Variants in SCAI observed in about 807,000 individuals in gnomAD.
SCAI encodes the protein protein SCAI.
In SCAI, 24 loss-of-function variants were observed where a neutral mutation model predicts 92.2. The ratio of observed to expected loss-of-function variants is 0.26; its 90% CI spans 0.19 to 0.37. The LOEUF (loss-of-function observed/expected upper bound fraction) is 0.37. SCAI is among the 10% of genes least tolerant of loss of function. SCAI has a pLI of 1.00. For synonymous variants in SCAI, 261 were observed against 258.6 expected, an observed-to-expected ratio of 1.01 and a Z score of -0.09; for missense variants, 450 against 736.2, an observed-to-expected ratio of 0.61 and a Z score of 4.50.
intron 17 of SCAI, among the ~76,000 whole-genome samples, chr9:124,964,815 C>G (rs143698102): frequency 6.6e-6 from 1 of 152,332 alleles, no homozygotes; most frequent in East Asian, 1.9e-4. Context: ...GTTGTCCAGA[C>G]CTTCTTGTTG....
At chr9:125,108,482 C>A (rs1167131130) in intron 2 of SCAI, among the ~76,000 whole-genome samples, 1 of 151,594 alleles carries the variant, frequency 6.6e-6, no homozygotes, top group East Asian at 1.9e-4. Context: ...CTCTGCCCCG[C>A]CGCCCCGTCT....
chr9:124,990,967 A>C (rs1477108983), intron 14 of SCAI, among the ~76,000 whole-genome samples: 3 of 152,330 alleles, frequency 2.0e-5, no homozygotes, highest in African/African-American at 7.2e-5. Context: ...GGACCCAGCT[A>C]CAAGTGGTTC....
chr9:124,949,906 C>T lies in SCAI; in HGVS notation c.*2901G>A, dbSNP rs1831207104. ...TCAATGAAACAATAACATTTTCCAG[C>T]ACAGTTTTCCTCTCTTTGAAGATTC... On this transcript the variant is annotated 3_prime_UTR_variant, in exon 18 of 18. Transcript: ENST00000336505. This position sits in a 1 kb window ranked among gnomAD's most constrained non-coding sequence, Gnocchi z 4.0. The T allele has an allele frequency of 6.6e-6, 1 of 151,964 alleles. No homozygotes were observed. The highest frequency in any genetic ancestry group is 2.1e-4 in the South Asian group (1 of 4,824). 9.4% of individuals were successfully genotyped at this position (151,964 alleles called of 1,614,324 possible).
At chr9:125,017,411 G>A (rs1832782731) in intron 9 of SCAI, among the ~76,000 whole-genome samples, 1 of 151,856 alleles carries the variant, frequency 6.6e-6, no homozygotes, top group Non-Finnish European at 1.5e-5. Context: ...AACCATAAAT[G>A]TTTCAAAATA....
intron 3 of SCAI, among the ~76,000 whole-genome samples, chr9:125,040,016 C>T (rs1201634718): frequency 2.0e-5 from 3 of 152,122 alleles, no homozygotes; most frequent in East Asian, 1.9e-4. Flanking sequence ...AAACAATGCT[C>T]TCTTGCTTCT....
At chr9:124,953,582 C>T (rs907134781) in intron 17 of SCAI, among the ~76,000 whole-genome samples, 16 of 152,040 alleles carry the variant, frequency 1.1e-4, no homozygotes, top group African/African-American at 3.4e-4. Context: ...GTTGAGATCA[C>T]GCCATTGCAC....
At chr9:124,973,934 C>G (rs1831707560) in intron 15 of SCAI, among the ~76,000 whole-genome samples, 1 of 152,176 alleles carries the variant, frequency 6.6e-6, no homozygotes, top group Admixed American at 6.5e-5. Flanking sequence ...CGGTCATTTC[C>G]CACCCCCATC....
intron 9 of SCAI, 46 bp downstream of exon 9, chr9:125,018,753 A>G (rs1832812751): frequency 6.6e-7 from 1 of 1,509,644 alleles, no homozygotes; most frequent in African/African-American, 1.4e-5. Context: ...CAATAGCACT[A>G]TTTTTCACAG....
At chr9:124,970,107 C>T (rs926735961) in intron 17 of SCAI, among the ~76,000 whole-genome samples, 3 of 152,128 alleles carry the variant, frequency 2.0e-5, no homozygotes, top group African/African-American at 2.4e-5. Context: ...CTGCCTCTGC[C>T]TCCCAAAGTG....
chr9:125,113,663 A>ATT (rs36106766), intron 2 of SCAI, among the ~76,000 whole-genome samples: 33,557 of 135,148 alleles, frequency 0.25, 4,889 homozygotes, highest in East Asian at 0.37. Context: ...AAGTATAAAG[A>ATT]TTTTTTTTTT....
chr9:124,954,680 TTAAC>T (rs1831286875), intron 17 of SCAI, among the ~76,000 whole-genome samples: 2 of 152,134 alleles, frequency 1.3e-5, no homozygotes, highest in Non-Finnish European at 1.5e-5. Flanking sequence ...AGAAAGTTGT[TTAAC>T]TATCACCACA....
In SCAI at chr9:125,050,092, C is replaced by A. The variant is rs149478057; in HGVS notation, c.230+5784G>T. Among the ~76,000 whole-genome samples, 244 of 151,134 alleles carry A rather than the reference C, an allele frequency of 1.6e-3. 1 individual carries two copies. The highest frequency in any genetic ancestry group is 5.7e-3 in the African/African-American group (236 of 41,234). On this transcript the variant is annotated intron_variant, in intron 3 of 17. Transcript: ENST00000336505. ...GTGGAAAAGGAGAAAAAAAAAAAGA[C>A]AAGCACTAACAGTGAAAAAAATGCT...
chr9:125,090,199 G>T (rs550872691), intron 2 of SCAI, among the ~76,000 whole-genome samples: 8 of 152,278 alleles, frequency 5.3e-5, no homozygotes, highest in African/African-American at 1.7e-4. Flanking sequence ...AATACTACAA[G>T]ATTTTATAAA....
At position 125,056,009 on chromosome 9, in the gene SCAI, T is replaced by C; in HGVS notation, c.99-2A>G. On this transcript the variant is annotated splice_acceptor_variant, in intron 2 of 17. Transcript: ENST00000336505. LOFTEE classifies it high-confidence loss of function. ...ATTTCTTTAAGAGCAAATTCAGTCCTGTAAGAAAACATATGTTCATTCATG... is the reference window on the plus strand; with the variant it reads ...ATTTCTTTAAGAGCAAATTCAGTCCCGTAAGAAAACATATGTTCATTCATG... The C allele has an allele frequency of 6.3e-7, 1 of 1,598,130 alleles. No individual in the cohort carries two copies. The highest frequency in any genetic ancestry group is 8.5e-7 in the Non-Finnish European group (1 of 1,172,686).
At chr9:125,105,020 C>G (rs1834748741) in intron 2 of SCAI, among the ~76,000 whole-genome samples, 1 of 150,904 alleles carries the variant, frequency 6.6e-6, no homozygotes, top group Non-Finnish European at 1.5e-5. Context: ...TAATAGTCTT[C>G]AAAGGGGCTT....
chr9:125,064,920 A>G (rs894255282), intron 2 of SCAI, among the ~76,000 whole-genome samples: 2 of 152,188 alleles, frequency 1.3e-5, no homozygotes, highest in Admixed American at 1.3e-4. Context: ...CGGGTCAAAA[A>G]ACATCATAAT....
intron 2 of SCAI, among the ~76,000 whole-genome samples, chr9:125,118,525 A>AATAAATAAATAC (rs1329405465): frequency 6.6e-6 from 1 of 151,866 alleles, no homozygotes; most frequent in Non-Finnish European, 1.5e-5. Flanking sequence ...TAAATAAATA[A>AATAAATAAATAC]ATAAATAAAT....
intron 2 of SCAI, among the ~76,000 whole-genome samples, chr9:125,118,355 T>C (rs940131650): frequency 1.3e-5 from 2 of 151,444 alleles, no homozygotes; most frequent in East Asian, 3.9e-4. Flanking sequence ...CTCTAAAAAA[T>C]AAAAATAAAA....
chr9:125,004,209 T>C (rs1832424785), intron 9 of SCAI, among the ~76,000 whole-genome samples: 1 of 152,004 alleles, frequency 6.6e-6, no homozygotes, highest in Admixed American at 6.6e-5. Flanking sequence ...ACAGAGACTA[T>C]ATTAGGTTCT....
Sources: allele counts gnomAD v4.1 joint callset (sites outside exome capture counted in the v4.1 genomes callset), GRCh38; gene constraint gnomAD v4.1.1; non-coding constraint Gnocchi (gnomAD v3.1); transcripts MANE v1.5; gene names NCBI Gene and HGNC (gene_info 2026-07-23, HGNC 2026-07-21).